DSG3: variants seen among roughly 807,000 people sequenced by gnomAD.
The protein encoded by DSG3 is desmoglein 3.
A neutral mutation model predicts 85.9 loss-of-function variants in DSG3; 63 were observed. That is an observed-to-expected ratio of 0.73 (90% CI 0.60 to 0.90). The LOEUF (loss-of-function observed/expected upper bound fraction) is 0.90. Among genes scored for constraint, DSG3 ranks in the 40% least tolerant of loss-of-function variants. DSG3 has a pLI of 0.00. For synonymous variants in DSG3, 447 were observed against 441.9 expected (o/e 1.01, Z -0.14); for missense variants, 1,220 against 1,219.9 (o/e 1.00, Z 0.00).
chr18:31,461,210 G>A lies in DSG3; in HGVS notation c.814-17G>A, dbSNP rs757510004. The A allele has an allele frequency of 6.3e-7, 1 of 1,598,962 alleles. No individual in the cohort carries two copies. The highest frequency in any genetic ancestry group is 2.2e-5 in the East Asian group (1 of 44,602). On this transcript the variant is annotated splice_polypyrimidine_tract_variant and intron_variant, in intron 7 of 15. Coordinates refer to ENST00000257189, the MANE Select transcript of DSG3 (RefSeq NM_001944.3). ...AACCTGTCATTAGGTCTTTAATTCT[G>A]CTTCTCGCCTTTTCAGTATTCAGCA...
chr18:31,457,881 G>A lies in DSG3; in HGVS notation c.217-564G>A, dbSNP rs572552984. Among the ~76,000 whole-genome samples the A allele has an allele frequency of 7.9e-5, 12 of 151,764 alleles. No individual in the cohort carries two copies. In the East Asian group the frequency reaches 1.7e-3, roughly 22 times the overall value. The stretch of plus-strand genomic sequence containing the variant: ...TCTGACCTCATGATCTGCCCACCTC[G>A]GCCTCCCAAAGTGCTTGGATTACAG... On this transcript the variant is annotated intron_variant, in intron 3 of 15. Coordinates refer to ENST00000257189, the MANE Select transcript of DSG3 (RefSeq NM_001944.3).
chr18:31,455,021 CAAAAA>C (rs541940386), intron 1 of DSG3, among the ~76,000 whole-genome samples: 1 of 94,060 alleles, frequency 1.1e-5, no homozygotes. Flanking sequence ...AACTCCGTCT[CAAAAA>C]AAAAAAAAAA....
At chr18:31,448,673 A>G (rs996734352) in intron 1 of DSG3, among the ~76,000 whole-genome samples, 3 of 150,598 alleles carry the variant, frequency 2.0e-5, no homozygotes, top group Non-Finnish European at 4.4e-5. Flanking sequence ...AAAAAAGAAA[A>G]GTCACAATAT....
chr18:31,458,646 C>A, intron 4 of DSG3, 46 bp downstream of exon 4: 1 of 1,572,876 alleles, frequency 6.4e-7, no homozygotes, highest in Non-Finnish European at 8.6e-7. Context: ...CCTTGTATAC[C>A]ATCGCTTTAG....
intron 12 of DSG3, 80 bp from the exon 13 acceptor site, chr18:31,472,204 T>C: frequency 6.3e-7 from 1 of 1,592,434 alleles, no homozygotes. Context: ...ATTTTCTTTG[T>C]AACATTTCTG....
At position 31,472,313 on chromosome 18, in the gene DSG3, T is replaced by G. The variant is rs377007515; in HGVS notation, c.1927T>G (p.Cys643Gly). The G allele has an allele frequency of 2.0e-4, 323 of 1,613,992 alleles. 1 individual carries two copies. Among genetic ancestry groups the G allele is most frequent in the Non-Finnish European group, 2.6e-4 (310 of 1,179,954 alleles). ...CCCCCTTCTGCTGTTGACCTGTGAC[T>G]GTGGGGCAGGTTCTACTGGGGGAGT... is the stretch of plus-strand genomic sequence containing the variant. ...LAPLLLLTCD[C>G]GAGSTGGVTG... The change falls in exon 13 of 16, where the codon TGT (cysteine) becomes GGT (glycine). Residue 643 changes from cysteine to glycine, a missense_variant. Cys to Gly is a radical substitution (Grantham distance 159, BLOSUM62 -3). Transcript: ENST00000257189.
intron 1 of DSG3, among the ~76,000 whole-genome samples, chr18:31,453,265 A>G (rs891099744): frequency 6.6e-6 from 1 of 152,162 alleles, no homozygotes; most frequent in Non-Finnish European, 1.5e-5. Flanking sequence ...TCATTCTACA[A>G]ATTTCCCCAA....
chr18:31,470,181 T>A (rs78672785), intron 12 of DSG3, among the ~76,000 whole-genome samples: 147 of 152,210 alleles, frequency 9.7e-4, no homozygotes, highest in African/African-American at 3.5e-3. Flanking sequence ...ACAAGAGAAA[T>A]CCTTGCTAAA....
intron 3 of DSG3, 25 bp from the exon 4 acceptor site, chr18:31,458,420 A>G: frequency 1.2e-6 from 2 of 1,609,348 alleles, no homozygotes; most frequent in Non-Finnish European, 1.7e-6. Context: ...GGTCACCTCA[A>G]CGTTTTTGGT....
chr18:31,469,448 C>G, intron 12 of DSG3, 99 bp downstream of exon 12: 1 of 1,488,650 alleles, frequency 6.7e-7, no homozygotes, highest in Non-Finnish European at 9.0e-7. Context: ...AAAGAATATT[C>G]TCTGATGTTT....
Position 31,475,692 on chromosome 18 carries a change from A to G in DSG3, c.2432A>G (p.Asp811Gly). 4 of 1,614,196 alleles carry G rather than the reference A, an allele frequency of 2.5e-6. No individual in the cohort carries two copies. The highest frequency in any genetic ancestry group is 3.4e-6 in the Non-Finnish European group (4 of 1,180,038). Reference protein sequence around the residue: ...AEEDDGQEANDCLLIYDNEGA... With the variant: ...AEEDDGQEANGCLLIYDNEGA... ...GAAGACGATGGCCAGGAAGCAAATG[A>G]CTGCTTGTTGATCTATGATAATGAA... is the stretch of plus-strand genomic sequence containing the variant. The change falls in exon 16 of 16, where the codon GAC becomes GGC. Residue 811 changes from aspartate to glycine, a missense_variant. By Grantham distance (94) the Asp-to-Gly change is moderately conservative. Transcript: ENST00000257189.
chr18:31,454,679 T>G lies in DSG3; in HGVS notation c.49-1761T>G, dbSNP rs937191846. Among the ~76,000 whole-genome samples, 5 of 151,874 alleles carry G rather than the reference T, an allele frequency of 3.3e-5. No individual in the cohort carries two copies. In the East Asian group the frequency reaches 5.8e-4, roughly 18 times the overall value. On this transcript the variant is annotated intron_variant, in intron 1 of 15. Coordinates refer to ENST00000257189, the MANE Select transcript of DSG3 (RefSeq NM_001944.3). The stretch of plus-strand genomic sequence containing the variant: ...TTCTTTGTACCATTAGTTTGTTTTT[T>G]TTTTTTTTCTCTTTATGACAACTTT...
Position 31,475,749 on chromosome 18 carries a change from C to A in DSG3, c.2489C>A (p.Ser830Tyr), listed in dbSNP as rs1219046752. 2.5e-6 allele frequency: 4 copies of A among 1,614,082 alleles called. No homozygotes were observed. The highest frequency in any genetic ancestry group is 2.5e-6 in the Non-Finnish European group (3 of 1,180,022). ...GATGCCACTGGTTCTCCTGTGGGCTCCGTGGGTTGTTGCAGTTTTATTGCT... is the reference window on the plus strand; with the variant it reads ...GATGCCACTGGTTCTCCTGTGGGCTACGTGGGTTGTTGCAGTTTTATTGCT... ...GADATGSPVG[S>Y]VGCCSFIADD... is the part of the protein sequence containing the mutation. Residue 830 changes from serine to tyrosine, a missense_variant, in exon 16 of 16, where the codon TCC becomes TAC. Transcript: ENST00000257189.
In DSG3 at chr18:31,456,446, A is replaced by T. The variant is rs1338757139; in HGVS notation, c.55A>T (p.Ile19Leu). 9 of 1,351,134 alleles carry T rather than the reference A, an allele frequency of 6.7e-6. No homozygotes were observed. In the East Asian group the frequency reaches 2.5e-4, roughly 37 times the overall value. 83.7% of individuals were successfully genotyped at this position (1,351,134 alleles called of 1,614,324 possible). ...TTTATTTAAATGTCTGCAGGTGGTC[A>T]TATTGGTTCATGGAGAATTGCGAAT... ...TGALAIFVVVILVHGELRIET... is the reference protein window; with the variant it reads ...TGALAIFVVVLLVHGELRIET... The change falls in exon 2 of 16, where the codon ATA becomes TTA. Residue 19 changes from isoleucine to leucine, a missense_variant. Transcript: ENST00000257189.
rs781424988 is a variant in DSG3, at chr18:31,457,134, A to G, written c.216+10A>G. 1.2e-6 allele frequency: 2 copies of G among 1,610,352 alleles called. No individual in the cohort carries two copies. Among genetic ancestry groups the G allele is most frequent in the South Asian group, 1.1e-5 (1 of 90,218 alleles). On this transcript the variant is annotated intron_variant, in intron 3 of 15. Coordinates refer to ENST00000257189, the MANE Select transcript of DSG3 (RefSeq NM_001944.3). ...AAACCCAATTGCCAAGGTAAGTTAT[A>G]TCAACAGGAGCGTATGAGTTTTTAG... is the stretch of plus-strand genomic sequence containing the variant.
chr18:31,474,835 C>T (rs2072876994), intron 15 of DSG3, among the ~76,000 whole-genome samples: 1 of 152,174 alleles, frequency 6.6e-6, no homozygotes, highest in African/African-American at 2.4e-5. Context: ...TATCTCATTC[C>T]TCCAACTGAA....
chr18:31,474,813 T>C (rs527656650), intron 15 of DSG3, among the ~76,000 whole-genome samples: 8 of 152,280 alleles, frequency 5.3e-5, no homozygotes, highest in African/African-American at 1.9e-4. Flanking sequence ...CATGAGAGCA[T>C]ATAGCAAGTA....
At chr18:31,473,507 A>G (rs991978122) in intron 14 of DSG3, among the ~76,000 whole-genome samples, 6 of 152,244 alleles carry the variant, frequency 3.9e-5, no homozygotes, top group African/African-American at 1.4e-4. Context: ...CAAAATCCGC[A>G]TGAGATTTCC....
In DSG3 at chr18:31,459,979, G is replaced by A; in HGVS notation, c.652G>A (p.Val218Ile). ...CCTCCTAAGCAGAAACACTGGGGAA[G>A]TCCGTACTTTGACCAATTCTCTTGA... ...MFLLSRNTGE[V>I]RTLTNSLDRE... Residue 218 changes from valine (V) to isoleucine (I), a missense_variant, in exon 6 of 16, where the codon GTC becomes ATC. Physicochemically the swap from Val to Ile is conservative, Grantham distance 29. Transcript: ENST00000257189. 6.2e-7 allele frequency: 1 copy of A among 1,613,974 alleles called. No individual in the cohort carries two copies. The highest frequency in any genetic ancestry group is 8.5e-7 in the Non-Finnish European group (1 of 1,179,958).
Sources: allele counts gnomAD v4.1 joint callset (sites outside exome capture counted in the v4.1 genomes callset), GRCh38; gene constraint gnomAD v4.1.1; transcripts MANE v1.5; gene names NCBI Gene and HGNC (gene_info 2026-07-23, HGNC 2026-07-21).